KDR: variants seen among roughly 807,000 people sequenced by gnomAD.
KDR encodes the protein kinase insert domain receptor, also known as vascular endothelial growth factor receptor 2.
Under a neutral mutation model 160.9 loss-of-function variants are expected in KDR, and 43 were observed. The ratio of observed to expected loss-of-function variants is 0.27; its 90% confidence interval spans 0.21 to 0.34. KDR has a LOEUF of 0.34. Ranked by LOEUF, KDR falls within the 10% of genes least tolerant of loss-of-function variation. KDR has a pLI of 1.00. For synonymous variants in KDR, 617 were observed against 600.1 expected, an observed-to-expected ratio of 1.03 and a Z score of -0.41; for missense variants, 1,469 against 1,666.4, an observed-to-expected ratio of 0.88 and a Z score of 2.06.
At chr4:55,096,555 T>G in intron 18 of KDR, 6 of 576,502 alleles carry the variant, frequency 1.0e-5, no homozygotes, top group Non-Finnish European at 1.2e-5. Flanking sequence ...AGCCAGAAAG[T>G]TTGATATTTA....
chr4:55,103,065 G>A (rs535436333), intron 13 of KDR, among the ~76,000 whole-genome samples: 9 of 152,224 alleles, frequency 5.9e-5, no homozygotes, highest in Admixed American at 5.9e-4. Flanking sequence ...CCATGTCCCT[G>A]CAACTAAGTA....
Position 55,108,140 on chromosome 4 carries a change from C to T in KDR, c.1256-247G>A, listed in dbSNP as rs193190442. Among the ~76,000 whole-genome samples the T allele has an allele frequency of 2.3e-4, 35 of 150,160 alleles. No individual in the cohort carries two copies. The East Asian group carries it at 5.5e-3, about 24-fold the overall frequency. ...TTTTGGGACGCCAAGGTAGGTGGAT[C>T]GCTTAAGCCCAGGAGATCAAGACCA... On this transcript the variant is annotated intron_variant, in intron 9 of 29. Coordinates refer to ENST00000263923, the MANE Select transcript of KDR (RefSeq NM_002253.4).
intron 2 of KDR, among the ~76,000 whole-genome samples, chr4:55,120,394 C>T (rs558999744): frequency 1.6e-4 from 24 of 152,244 alleles, no homozygotes; most frequent in Admixed American, 1.2e-3. Flanking sequence ...TTCTATCTTT[C>T]GTCCTGGGGT....
intron 25 of KDR, 75 bp from the exon 26 acceptor site, chr4:55,089,048 A>G (rs1719941126): frequency 9.3e-7 from 1 of 1,070,838 alleles, no homozygotes; most frequent in African/African-American, 1.6e-5. Context: ...TTAAATGAGT[A>G]CACATTTGTA....
chr4:55,087,704 C>A lies in KDR; in HGVS notation c.3565G>T (p.Asp1189Tyr). The change falls in exon 27 of 30, where the codon GAT (aspartate) becomes TAT (tyrosine). Residue 1189 changes from aspartate to tyrosine, a missense_variant. Asp to Tyr is a radical substitution (Grantham distance 160). This residue lies in a region of KDR where 132 missense variants were observed against 195.9 expected (regional missense o/e 0.67). Coordinates refer to ENST00000263923, the MANE Select transcript of KDR (RefSeq NM_002253.4). ...GAGGTAGGCAGAGAGAGTCCAGAATCCTCTTCCATGCTCAAAGTCTCTGAT... is the reference window on the plus strand; with the variant it reads ...GAGGTAGGCAGAGAGAGTCCAGAATACTCTTCCATGCTCAAAGTCTCTGAT... ...PISETLSMEEDSGLSLPTSPV... is the reference protein window; with the variant it reads ...PISETLSMEEYSGLSLPTSPV... 3 of 1,614,052 alleles carry A rather than the reference C, an allele frequency of 1.9e-6. No individual in the cohort carries two copies. The highest frequency in any genetic ancestry group is 2.5e-6 in the Non-Finnish European group (3 of 1,179,892).
intron 7 of KDR, among the ~76,000 whole-genome samples, chr4:55,111,633 A>G (rs2034965): frequency 0.69 from 104,332 of 152,170 alleles, 36,355 homozygotes; most frequent in East Asian, 0.8. Flanking sequence ...GTATTCTGGA[A>G]AACAAAAGTA....
intron 6 of KDR, 124 bp downstream of exon 6, chr4:55,114,002 T>C (rs1255274138): frequency 1.1e-5 from 10 of 925,682 alleles, no homozygotes; most frequent in Non-Finnish European, 1.4e-5. Flanking sequence ...AGTGGGTGTG[T>C]ATGTGTGTGT....
At chr4:55,080,404 A>G (rs865874666) in intron 29 of KDR, among the ~76,000 whole-genome samples, 1 of 152,186 alleles carries the variant, frequency 6.6e-6, no homozygotes, top group Non-Finnish European at 1.5e-5. Flanking sequence ...TCAAGCCTCA[A>G]ATGAGATGAA....
At chr4:55,115,515 G>A (rs1720713695) in intron 3 of KDR, 104 bp from the exon 4 acceptor site, 1 of 702,702 alleles carries the variant, frequency 1.4e-6, no homozygotes, top group East Asian at 2.7e-5. Context: ...ATGACTGGAA[G>A]GGACACCTCA....
chr4:55,113,184 A>G, intron 7 of KDR, 120 bp downstream of exon 7: 1 of 1,141,216 alleles, frequency 8.8e-7, no homozygotes, highest in Non-Finnish European at 1.3e-6. Flanking sequence ...TGGCCTCCCT[A>G]ACAAGAAAAA....
intron 26 of KDR, among the ~76,000 whole-genome samples, chr4:55,088,522 C>A (rs1005417077): frequency 1.3e-5 from 2 of 152,126 alleles, no homozygotes; most frequent in African/African-American, 4.8e-5. Context: ...TTTTTGCCTG[C>A]AGAATTTATT....
In KDR at chr4:55,098,791, T is replaced by C. The variant is rs2110018258; in HGVS notation, c.2279A>G (p.Lys760Arg). 6.2e-7 allele frequency: 1 copy of C among 1,611,324 alleles called. No homozygotes were observed. The highest frequency in any genetic ancestry group is 1.1e-5 in the South Asian group (1 of 91,022). ...TAGAATAATGATTTCCAAGTTCGTC[T>C]TTTCCTGGGCACCTGGAAAGACACA... ...AFFIIEGAQE[K>R]TNLEIIILVG... is the part of the protein sequence containing the mutation. Residue 760 changes from lysine (K) to arginine (R), a missense_variant, in exon 16 of 30, where the codon AAG becomes AGG. By Grantham distance (26) the Lys-to-Arg change is conservative. Transcript: ENST00000263923.
At position 55,079,934 on chromosome 4, in the gene KDR, C is replaced by T. The variant is rs1337689402; in HGVS notation, c.*7G>A. On this transcript the variant is annotated 3_prime_UTR_variant, in exon 30 of 30. Transcript: ENST00000263923. ...TGTCCAGGAGTTGGGGGTGTGGATGCTTCCTTTTAAACAGGAGGAGAGCTC... is the reference window on the plus strand; with the variant it reads ...TGTCCAGGAGTTGGGGGTGTGGATGTTTCCTTTTAAACAGGAGGAGAGCTC... 11 of 1,612,808 alleles carry T rather than the reference C, an allele frequency of 6.8e-6. No homozygotes were observed. The highest frequency in any genetic ancestry group is 1.7e-4 in the Middle Eastern group (1 of 5,930).
chr4:55,087,056 A>C (rs1374954665), intron 27 of KDR, among the ~76,000 whole-genome samples: 1 of 152,348 alleles, frequency 6.6e-6, no homozygotes, highest in East Asian at 1.9e-4. Context: ...ACTGCAGTGC[A>C]TGTGTTTTAA....
chr4:55,113,622 A>G (rs1720653119), intron 6 of KDR, 141 bp from the exon 7 acceptor site: 1 of 709,946 alleles, frequency 1.4e-6, no homozygotes, highest in South Asian at 1.7e-5. Flanking sequence ...TTTTAACCTC[A>G]TGCAGACAAC....
At position 55,110,556 on chromosome 4, in the gene KDR, C is replaced by T. The variant is rs2110027626; in HGVS notation, c.1102G>A (p.Gly368Arg). The T allele has an allele frequency of 6.2e-7, 1 of 1,613,778 alleles. No homozygotes were observed. Among genetic ancestry groups the T allele is most frequent in the South Asian group, 1.1e-5 (1 of 91,078 alleles). ...PPPEIKWYKNGIPLESNHTIK... is the reference protein window; with the variant it reads ...PPPEIKWYKNRIPLESNHTIK... ...GTGTGATTGGACTCAAGGGGTATTC[C>T]ATTTTTATACCTATGAAAAAAAATT... Residue 368 changes from glycine (G) to arginine (R), a missense_variant, in exon 9 of 30, where the codon GGA becomes AGA. Around this residue, in one of 7 missense-constraint regions of KDR, gnomAD observed 792 missense variants for 840.9 expected, o/e 0.94. Transcript: ENST00000263923.
chr4:55,086,864 G>T (rs1246505747), intron 27 of KDR, among the ~76,000 whole-genome samples: 1 of 152,188 alleles, frequency 6.6e-6, no homozygotes, highest in Non-Finnish European at 1.5e-5. Flanking sequence ...TTCCATTAAA[G>T]CAGGAAAACA....
At chr4:55,082,681 T>C in intron 27 of KDR, 46 bp from the exon 28 acceptor site, 1 of 1,417,498 alleles carries the variant, frequency 7.1e-7, no homozygotes, top group Non-Finnish European at 1.0e-6. Context: ...TATATTTGAC[T>C]GCAGATCGGC....
At chr4:55,117,481 T>C (rs1720763712) in intron 3 of KDR, among the ~76,000 whole-genome samples, 1 of 152,196 alleles carries the variant, frequency 6.6e-6, no homozygotes, top group Non-Finnish European at 1.5e-5. Context: ...AATTCTATCT[T>C]TGACAGTGCT....
Sources: gnomAD v4.1 joint callset for allele counts (sites outside exome capture counted in the v4.1 genomes callset) on GRCh38, gnomAD v4.1.1 for gene constraint, gnomAD v4.1.1 regional missense constraint, MANE v1.5 for transcripts, NCBI Gene and HGNC (gene_info 2026-07-23, HGNC 2026-07-21) for gene names.